Variants in HTR4 observed in about 807,000 individuals in gnomAD.
HTR4 encodes the protein 5-hydroxytryptamine (serotonin) receptor 4, G protein-coupled.
In HTR4, 16 loss-of-function variants were observed where a neutral mutation model predicts 36.8. The observed-to-expected ratio is 0.43, with a 90% CI of 0.29 to 0.66. HTR4 has a LOEUF of 0.66. Among genes scored for constraint, HTR4 ranks in the 30% least tolerant of loss-of-function variants. The pLI, the probability that HTR4 is intolerant of heterozygous loss-of-function variation, is 0.13. For synonymous variants in HTR4, 189 were observed against 185.1 expected (o/e 1.02, Z -0.17); for missense variants, 438 against 490.9 (o/e 0.89, Z 1.02).
chr5:148,566,783 G>A (rs545199465), intron 2 of HTR4, among the ~76,000 whole-genome samples: 35 of 151,726 alleles, frequency 2.3e-4, no homozygotes, highest in African/African-American at 7.0e-4. Flanking sequence ...ATATTTATAC[G>A]TATGACATAC....
chr5:148,486,206 C>T (rs1756152616), intron 6 of HTR4, among the ~76,000 whole-genome samples: 1 of 152,126 alleles, frequency 6.6e-6, no homozygotes, highest in Non-Finnish European at 1.5e-5. Context: ...CCGCAGTTCT[C>T]ATTGTTATAT....
chr5:148,483,267 C>T lies in HTR4; in HGVS notation c.1103G>A (p.Trp368Ter), dbSNP rs1187009070. 2 of 1,613,628 alleles carry T rather than the reference C, an allele frequency of 1.2e-6. No homozygotes were observed. Among genetic ancestry groups the T allele is most frequent in the African/African-American group, 2.7e-5 (2 of 74,886 alleles). The change falls in exon 7 of 7, where the codon TGG (tryptophan) becomes TAG (stop). Residue 368 changes from tryptophan (W) to a stop codon, truncating the protein, a stop_gained. Coordinates refer to ENST00000377888, the MANE Select transcript of HTR4 (RefSeq NM_000870.7). LOFTEE classifies it high-confidence loss of function. ...TGCTGGCGGGTGACACTGACTCTCC[C>T]ACTGGCCACCACACTCCACTGCATC... ...LRDAVECGGQ[W>*]ESQCHPPATS...
intron 6 of HTR4, among the ~76,000 whole-genome samples, chr5:148,485,294 C>A (rs1756096687): frequency 6.6e-6 from 1 of 152,126 alleles, no homozygotes; most frequent in Non-Finnish European, 1.5e-5. Context: ...GTAATTTGCC[C>A]AAGTATACAC....
intron 4 of HTR4, among the ~76,000 whole-genome samples, chr5:148,531,405 T>C (rs967530774): frequency 6.6e-6 from 1 of 152,182 alleles, no homozygotes; most frequent in African/African-American, 2.4e-5. Context: ...GGAGTTTCCC[T>C]GTACAAGCTC....
At chr5:148,546,101 G>A (rs1759370777) in intron 4 of HTR4, among the ~76,000 whole-genome samples, 1 of 152,160 alleles carries the variant, frequency 6.6e-6, no homozygotes, top group Admixed American at 6.5e-5. Context: ...ACTGCTATCA[G>A]AATAACTACC....
intron 1 of HTR4, among the ~76,000 whole-genome samples, chr5:148,643,522 A>G (rs911311410): frequency 3.9e-5 from 6 of 151,992 alleles, no homozygotes; most frequent in Admixed American, 2.6e-4. Flanking sequence ...TTTTGTGGGG[A>G]AAAAAAAGAG....
chr5:148,618,250 A>G lies in HTR4; in HGVS notation c.26+18739T>C, dbSNP rs182951359. On this transcript the variant is annotated intron_variant, in intron 2 of 6. Transcript: ENST00000377888. The stretch of plus-strand genomic sequence containing the variant: ...AGTTCACCCCACCCAAAACTCAAGA[A>G]CCCAAGAGTCAAGGAGCAGTCATTC... Among the ~76,000 whole-genome samples the G allele has an allele frequency of 1.1e-3, 163 of 152,118 alleles. 2 individuals carry two copies. The highest frequency in any genetic ancestry group is 9.2e-3 in the Admixed American group (140 of 15,290).
intron 2 of HTR4, among the ~76,000 whole-genome samples, chr5:148,600,742 T>G (rs1761960123): frequency 6.6e-6 from 1 of 151,756 alleles, no homozygotes; most frequent in South Asian, 2.1e-4. Flanking sequence ...ATGGAAAAGA[T>G]CTTTGACTTT....
chr5:148,643,972 C>T (rs1362529536), intron 1 of HTR4, among the ~76,000 whole-genome samples: 1 of 152,136 alleles, frequency 6.6e-6, no homozygotes, highest in African/African-American at 2.4e-5. Flanking sequence ...AACTAAGGGG[C>T]TGTTTATTGC....
rs531402129 is a variant in HTR4, at chr5:148,487,416, AAGG to A, written c.1077-4126_1077-4124del. Among the ~76,000 whole-genome samples the A allele has an allele frequency of 2.1e-3, 322 of 151,870 alleles. 4 individuals are homozygous for A. The highest frequency in any genetic ancestry group is 5.6e-3 in the African/African-American group (234 of 41,432). ...AGAAGGAGAAGAGGAGGAAGAAGAA[AAGG>A]AGGAGGAGGAGGAGGAGGAGAATCA... On this transcript the variant is annotated intron_variant, in intron 6 of 6. Coordinates refer to ENST00000377888, the MANE Select transcript of HTR4 (RefSeq NM_000870.7).
At chr5:148,468,271 G>C (rs1017694741) in intron 5 of HTR4, among the ~76,000 whole-genome samples, 1 of 152,216 alleles carries the variant, frequency 6.6e-6, no homozygotes, top group Non-Finnish European at 1.5e-5. Context: ...AGAGACATGG[G>C]ATCCCAGAAC....
At chr5:148,465,788 T>A in intron 5 of HTR4, 3 of 1,567,628 alleles carry the variant, frequency 1.9e-6, no homozygotes, top group Non-Finnish European at 2.6e-6. Context: ...TTAAGGATAT[T>A]TTGTATAAAG....
chr5:148,530,106 C>G (rs978652435), intron 4 of HTR4, among the ~76,000 whole-genome samples: 1 of 152,134 alleles, frequency 6.6e-6, no homozygotes, highest in Non-Finnish European at 1.5e-5. Context: ...ATAAGGAAAG[C>G]AGAGCATAAA....
At position 148,509,511 on chromosome 5, in the gene HTR4, C is replaced by A; in HGVS notation, c.1021G>T (p.Gly341Cys). The A allele has an allele frequency of 6.2e-7, 1 of 1,613,740 alleles. No individual in the cohort carries two copies. The highest frequency in any genetic ancestry group is 1.3e-5 in the African/African-American group (1 of 74,966). Reference sequence around the variant, plus strand: ...GTGGTTGAACAAGGGACAGTCTGGCCCAGAATGGAAGGTCTTCGGTAGCGC... The same window carrying A: ...GTGGTTGAACAAGGGACAGTCTGGCACAGAATGGAAGGTCTTCGGTAGCGC... ...DERYRRPSIL[G>C]QTVPCSTTTI... is the part of the protein sequence containing the mutation. The change falls in exon 6 of 7, where the codon GGC (glycine) becomes TGC (cysteine). Residue 341 changes from glycine to cysteine, a missense_variant. Physicochemically the swap from Gly to Cys is radical, Grantham distance 159. Coordinates refer to ENST00000377888, the MANE Select transcript of HTR4 (RefSeq NM_000870.7).
chr5:148,650,949 C>G (rs1407836601), intron 1 of HTR4, among the ~76,000 whole-genome samples: 1 of 152,142 alleles, frequency 6.6e-6, no homozygotes, highest in Non-Finnish European at 1.5e-5. Context: ...ATGCAAGGCA[C>G]TATAATATGG....
rs190941187 is a variant in HTR4, at chr5:148,622,808, G to A, written c.26+14181C>T. On this transcript the variant is annotated intron_variant, in intron 2 of 6. Transcript: ENST00000377888. ...TATATAAATAAATCATTAATATAAG[G>A]TTTTATTACTAGCCAGAATTGTTAT... Among the ~76,000 whole-genome samples, 7 of 152,180 alleles carry A rather than the reference G, an allele frequency of 4.6e-5. No individual in the cohort carries two copies. In the South Asian group the frequency reaches 6.2e-4, roughly 14 times the overall value.
intron 6 of HTR4, among the ~76,000 whole-genome samples, chr5:148,501,487 A>C (rs1756931506): frequency 6.6e-6 from 1 of 152,232 alleles, no homozygotes; most frequent in South Asian, 2.1e-4. Context: ...GATTTTTAAG[A>C]AAAATGCAAA....
chr5:148,554,256 G>C (rs895507120), intron 2 of HTR4, among the ~76,000 whole-genome samples: 2 of 152,056 alleles, frequency 1.3e-5, no homozygotes, highest in African/African-American at 4.8e-5. Flanking sequence ...TGTATTTTTA[G>C]TAGAGACGGG....
intron 2 of HTR4, among the ~76,000 whole-genome samples, chr5:148,555,210 G>A (rs927201453): frequency 2.8e-4 from 42 of 152,036 alleles, no homozygotes; most frequent in African/African-American, 9.7e-4. Flanking sequence ...CTTATAACAT[G>A]AATTCTCCAT....
Sources: gnomAD v4.1 joint callset for allele counts (sites outside exome capture counted in the v4.1 genomes callset) on GRCh38, gnomAD v4.1.1 for gene constraint, MANE v1.5 for transcripts, NCBI Gene and HGNC (gene_info 2026-07-23, HGNC 2026-07-21) for gene names.